The following DOCK3 variants were observed in gnomAD, a reference collection of about 807,000 sequenced individuals.
DOCK3 encodes the protein dedicator of cytokinesis 3.
A neutral mutation model predicts 265.6 loss-of-function variants in DOCK3; 60 were observed. The observed-to-expected ratio is 0.23, with a 90% CI of 0.18 to 0.28. The LOEUF is 0.28. Ranked by LOEUF, DOCK3 falls within the 10% of genes least tolerant of loss-of-function variation. The pLI, the probability that DOCK3 is intolerant of heterozygous loss-of-function variation, is 1.00. For missense variants in DOCK3, 1,981 were observed against 2,594.3 expected, an observed-to-expected ratio of 0.76 and a Z score of 5.14; for synonymous variants, 881 against 938.0, an observed-to-expected ratio of 0.94 and a Z score of 1.11.
chr3:50,986,631 T>C (rs1397341290), intron 5 of DOCK3, among the ~76,000 whole-genome samples: 1 of 152,382 alleles, frequency 6.6e-6, no homozygotes, highest in Admixed American at 6.5e-5. Context: ...CATATTCTTT[T>C]GGATTTTCTC....
At chr3:51,282,340 A>G (rs1461278481) in intron 27 of DOCK3, among the ~76,000 whole-genome samples, 1 of 52,490 alleles carries the variant, frequency 1.9e-5, no homozygotes, top group African/African-American at 5.3e-5. Context: ...AGTGACATCA[A>G]GTTAATAATT....
chr3:51,278,399 T>C (rs11706571), intron 26 of DOCK3: 848,360 of 985,078 alleles, frequency 0.86, 366,313 homozygotes, highest in Middle Eastern at 0.88. Context: ...GAGGTGGGGA[T>C]GTGATAAACA....
intron 2 of DOCK3, among the ~76,000 whole-genome samples, chr3:50,821,466 AT>A (rs1198247129): frequency 2.6e-5 from 4 of 151,522 alleles, no homozygotes; most frequent in African/African-American, 7.3e-5. Flanking sequence ...CACCCGGCTA[AT>A]TTTTTTGTAT....
chr3:51,298,686 G>C (rs2082227715), intron 27 of DOCK3, among the ~76,000 whole-genome samples: 1 of 152,128 alleles, frequency 6.6e-6, no homozygotes. Context: ...TCCTGTGTTA[G>C]TTTGCTGAGG....
At chr3:50,766,541 G>C (rs2040890237) in intron 1 of DOCK3, among the ~76,000 whole-genome samples, 1 of 151,952 alleles carries the variant, frequency 6.6e-6, no homozygotes, top group African/African-American at 2.4e-5. Context: ...ATTTTGGTTG[G>C]TTCCAAGTCT....
intron 5 of DOCK3, among the ~76,000 whole-genome samples, chr3:51,062,763 AAAT>A (rs1320813191): frequency 6.6e-6 from 1 of 152,244 alleles, no homozygotes; most frequent in Non-Finnish European, 1.5e-5. Flanking sequence ...TTTGATGGGA[AAAT>A]AATAATTCAA....
chr3:51,034,887 A>G (rs1575832009), intron 5 of DOCK3, among the ~76,000 whole-genome samples: 1 of 152,070 alleles, frequency 6.6e-6, no homozygotes, highest in Non-Finnish European at 1.5e-5. Context: ...TTTCTAATAC[A>G]TTAAATATGT....
intron 9 of DOCK3, among the ~76,000 whole-genome samples, chr3:51,121,706 G>T (rs918117281): frequency 3.9e-5 from 6 of 152,148 alleles, no homozygotes; most frequent in African/African-American, 1.2e-4. Context: ...GTCTCTGTGG[G>T]GAATGAGGGA....
At chr3:50,719,611 C>T (rs2037351256) in intron 1 of DOCK3, 11 of 1,530,606 alleles carry the variant, frequency 7.2e-6, no homozygotes, top group Non-Finnish European at 8.1e-6. Context: ...GCTTGCCATC[C>T]AACCACTGAG....
intron 34 of DOCK3, 31 bp downstream of exon 34, chr3:51,333,058 T>A: frequency 6.2e-7 from 1 of 1,613,962 alleles, no homozygotes; most frequent in South Asian, 1.1e-5. Context: ...GTCTGCTGTC[T>A]CCAGATCCAT....
chr3:50,976,312 C>T (rs9826199), intron 5 of DOCK3, among the ~76,000 whole-genome samples: 1 of 121,488 alleles, frequency 8.2e-6, no homozygotes, highest in African/African-American at 3.1e-5. Flanking sequence ...ACACTGCTTT[C>T]AATGTGTCCC....
At chr3:51,356,024 G>T in intron 41 of DOCK3, 65 bp from the exon 42 acceptor site, 1 of 1,600,312 alleles carries the variant, frequency 6.2e-7, no homozygotes, top group South Asian at 1.1e-5. Context: ...TTGAGGAGAT[G>T]ACAGGGGTCA....
intron 5 of DOCK3, among the ~76,000 whole-genome samples, chr3:51,055,804 T>G (rs1301814619): frequency 6.6e-6 from 1 of 152,222 alleles, no homozygotes; most frequent in Non-Finnish European, 1.5e-5. Flanking sequence ...CTTATGAAGA[T>G]CTGCTCTGTG....
At chr3:50,952,230 T>A (rs1227602463) in intron 5 of DOCK3, among the ~76,000 whole-genome samples, 1 of 152,180 alleles carries the variant, frequency 6.6e-6, no homozygotes, top group Non-Finnish European at 1.5e-5. Flanking sequence ...TATAATACTT[T>A]CCTAATTCCT....
At chr3:51,067,427 TTGTGTGTGTG>T (rs60551624) in intron 6 of DOCK3, among the ~76,000 whole-genome samples, 3 of 144,204 alleles carry the variant, frequency 2.1e-5, no homozygotes, top group East Asian at 4.1e-4. Flanking sequence ...TGAAATATGT[TTGTGTGTGTG>T]TGTGTGTGTG....
chr3:50,756,714 C>G (rs1189721454), intron 1 of DOCK3, among the ~76,000 whole-genome samples: 1 of 152,076 alleles, frequency 6.6e-6, no homozygotes, highest in East Asian at 1.9e-4. Context: ...TGTTGTCAGT[C>G]TTTTTGATTC....
intron 12 of DOCK3, among the ~76,000 whole-genome samples, chr3:51,201,300 C>T (rs1167896767): frequency 6.6e-6 from 1 of 150,864 alleles, no homozygotes. Flanking sequence ...CAGAGACACA[C>T]ATAGGCTCAA....
chr3:51,205,183 T>G (rs923943946), intron 12 of DOCK3, among the ~76,000 whole-genome samples: 2 of 150,222 alleles, frequency 1.3e-5, no homozygotes, highest in Non-Finnish European at 3.0e-5. Context: ...AATAAATAAA[T>G]AAATAAATAC....
At chr3:51,348,830 C>T (rs1322801045) in intron 38 of DOCK3, 22 bp from the exon 39 acceptor site, 3 of 1,559,242 alleles carry the variant, frequency 1.9e-6, no homozygotes, top group Non-Finnish European at 1.7e-6. Flanking sequence ...ATGCTGAAGC[C>T]CTGTTTCTGT....
Sources: allele counts gnomAD v4.1 joint callset (sites outside exome capture counted in the v4.1 genomes callset), GRCh38; gene constraint gnomAD v4.1.1; transcripts MANE v1.5; gene names NCBI Gene and HGNC (gene_info 2026-07-23, HGNC 2026-07-21).